FAM177A1: variants seen among roughly 807,000 people sequenced by gnomAD.
FAM177A1 encodes family with sequence similarity 177 member A1.
A neutral mutation model predicts 26.1 loss-of-function variants in FAM177A1; 22 were observed. The ratio of observed to expected loss-of-function variants is 0.84; its 90% CI spans 0.60 to 1.20. The LOEUF (loss-of-function observed/expected upper bound fraction) is 1.20, where lower values mean the gene tolerates loss of function less well. FAM177A1 is among the 50% of genes most tolerant of loss of function. FAM177A1 has a pLI of 0.00. For missense variants in FAM177A1, 296 were observed against 291.1 expected, an observed-to-expected ratio of 1.02 and a Z score of -0.12; for synonymous variants, 95 against 99.3, an observed-to-expected ratio of 0.96 and a Z score of 0.26.
At chr14:35,078,494 G>C (rs968792722) in intron 3 of FAM177A1, among the ~76,000 whole-genome samples, 1 of 152,144 alleles carries the variant, frequency 6.6e-6, no homozygotes, top group African/African-American at 2.4e-5. Flanking sequence ...TGGGATTACA[G>C]GTGCCCACCA....
intron 3 of FAM177A1, among the ~76,000 whole-genome samples, chr14:35,078,501 A>G (rs979246642): frequency 1.1e-4 from 17 of 152,126 alleles, no homozygotes; most frequent in African/African-American, 4.1e-4. Context: ...ACAGGTGCCC[A>G]CCACCATGCC....
rs992814290 is a variant in FAM177A1 at position 35,080,962 on chromosome 14, A to G, written c.505-60A>G. On this transcript the variant is annotated intron_variant, in intron 4 of 4. Transcript: ENST00000280987. ...ATAAGCTGACAGTGGGGAAAACAGCACTATATACCTTTTGGACTTTCGTAT... is the reference window on the plus strand; with the variant it reads ...ATAAGCTGACAGTGGGGAAAACAGCGCTATATACCTTTTGGACTTTCGTAT... The G allele has an allele frequency of 9.0e-6, 13 of 1,449,946 alleles. No individual in the cohort carries two copies. The Admixed American group carries it at 2.3e-4, about 25-fold the overall frequency. The allele number at this position is 1,449,946 out of a possible 1,614,324, so 89.8% of individuals were successfully genotyped here.
intron 2 of FAM177A1, among the ~76,000 whole-genome samples, chr14:35,061,507 T>C (rs1004992246): frequency 6.8e-5 from 10 of 147,266 alleles, no homozygotes; most frequent in African/African-American, 2.5e-4. Flanking sequence ...TCTATTTGTT[T>C]TTTTCTCATT....
intron 2 of FAM177A1, among the ~76,000 whole-genome samples, chr14:35,064,803 C>A (rs539210875): frequency 6.6e-6 from 1 of 152,144 alleles, no homozygotes; most frequent in Admixed American, 6.6e-5. Context: ...AGGCACCCGC[C>A]ACCATGACCA....
chr14:35,050,266 C>A (rs2044943695), intron 1 of FAM177A1: 1 of 152,162 alleles, frequency 6.6e-6, no homozygotes, highest in South Asian at 2.1e-4. Flanking sequence ...GCCTCAGTCT[C>A]CCAAAGTGCT....
chr14:35,045,808 G>A (rs2044850972), upstream of FAM177A1, among the ~76,000 whole-genome samples: 1 of 152,148 alleles, frequency 6.6e-6, no homozygotes, highest in African/African-American at 2.4e-5. Flanking sequence ...GCTTACTACT[G>A]CCCTTTGCTC....
chr14:35,052,601 A>G (rs1434575352), intron 1 of FAM177A1, among the ~76,000 whole-genome samples: 1 of 152,074 alleles, frequency 6.6e-6, no homozygotes, highest in East Asian at 1.9e-4. Flanking sequence ...ATAGATATAT[A>G]TAGTGTAAAT....
rs1330242725 is a variant in FAM177A1 at position 35,046,297 on chromosome 14, G to C, written c.-167G>C. 1.3e-6 allele frequency: 1 copy of C among 755,758 alleles called. No individual in the cohort carries two copies. 46.8% of individuals were successfully genotyped at this position (755,758 alleles called of 1,614,324 possible). On this transcript the variant is annotated 5_prime_UTR_variant, in exon 1 of 5. Transcript: ENST00000280987. ...AGACTGCAGTTGGCCAGCTCTCGGG[G>C]TGCGGAGCCCGGCGGGCTAGGCGAG...
intron 2 of FAM177A1, among the ~76,000 whole-genome samples, chr14:35,064,542 A>C (rs8006583): frequency 0.34 from 51,943 of 151,972 alleles, 9,035 homozygotes; most frequent in East Asian, 0.41. Context: ...AAACCTAATA[A>C]AGTTAATGAA....
At chr14:35,079,125 C>A in intron 4 of FAM177A1, 101 bp downstream of exon 4, 1 of 729,052 alleles carries the variant, frequency 1.4e-6, no homozygotes, top group Non-Finnish European at 2.2e-6. Flanking sequence ...CAACATGTAG[C>A]TCTCTTATGC....
chr14:35,048,828 A>C (rs1195070877), intron 1 of FAM177A1, among the ~76,000 whole-genome samples: 1 of 151,374 alleles, frequency 6.6e-6, no homozygotes, highest in African/African-American at 2.4e-5. Context: ...AGGGAGTAAG[A>C]GATAGGAGAT....
rs1367749356 is a variant in FAM177A1, at chr14:35,049,079, TG to T, written c.165+2455del. The stretch of plus-strand genomic sequence containing the variant: ...CTAATTTTTGTATTTTTAGTAGAGG[TG>T]GGGTTTCACCATCTTGGTCAGGCTG... On this transcript the variant is annotated intron_variant, in intron 1 of 4. Coordinates refer to ENST00000280987, the MANE Select transcript of FAM177A1 (RefSeq NM_173607.5). Among the ~76,000 whole-genome samples, 24 of 152,028 alleles carry T rather than the reference TG, an allele frequency of 1.6e-4. No individual in the cohort carries two copies. The East Asian group carries it at 4.5e-3, about 28-fold the overall frequency.
intron 1 of FAM177A1, among the ~76,000 whole-genome samples, chr14:35,048,380 T>C (rs1462889720): frequency 6.6e-6 from 1 of 152,074 alleles, no homozygotes; most frequent in Non-Finnish European, 1.5e-5. Flanking sequence ...TTCTGTTGTT[T>C]TCACATTCTT....
rs541460063 is a variant in FAM177A1, at chr14:35,078,467, T to G, written c.407-460T>G. Among the ~76,000 whole-genome samples the G allele has an allele frequency of 1.6e-4, 24 of 152,302 alleles. 1 individual carries two copies. The highest frequency in any genetic ancestry group is 9.2e-4 in the Admixed American group (14 of 15,288). On this transcript the variant is annotated intron_variant, in intron 3 of 4. Transcript: ENST00000280987. The stretch of plus-strand genomic sequence containing the variant: ...CCCAGTTTCAAGCTATTCTCTTGCC[T>G]CAGCCTCCTGAGTAGCTGGGATTAC...
At chr14:35,078,242 C>T (rs746038696) in intron 3 of FAM177A1, among the ~76,000 whole-genome samples, 17 of 152,180 alleles carry the variant, frequency 1.1e-4, no homozygotes, top group Non-Finnish European at 2.1e-4. Context: ...AGTTCTTTAA[C>T]CTCTCTACGC....
In FAM177A1 at chr14:35,067,579, T is replaced by G. The variant is rs192116110; in HGVS notation, c.340-9571T>G. 1.4e-4 allele frequency among the ~76,000 whole-genome samples: 22 copies of G among 152,302 alleles called. No homozygotes were observed. In the East Asian group the frequency reaches 4.0e-3, roughly 28 times the overall value. Reference sequence around the variant, plus strand: ...ATTGCTGGATTATATAGTAATTCTGTTTTTAATTTTTTGAGGAACCTCCAT... The same window carrying G: ...ATTGCTGGATTATATAGTAATTCTGGTTTTAATTTTTTGAGGAACCTCCAT... On this transcript the variant is annotated intron_variant, in intron 2 of 4. Coordinates refer to ENST00000280987, the MANE Select transcript of FAM177A1 (RefSeq NM_173607.5).
chr14:35,063,210 T>C (rs981101864), intron 2 of FAM177A1, among the ~76,000 whole-genome samples: 8 of 151,538 alleles, frequency 5.3e-5, no homozygotes, highest in African/African-American at 1.9e-4. Flanking sequence ...TTTAGTATCA[T>C]TTTAGAGTTT....
chr14:35,077,008 T>A, intron 2 of FAM177A1, 142 bp from the exon 3 acceptor site: 1 of 663,934 alleles, frequency 1.5e-6, no homozygotes, highest in Non-Finnish European at 2.7e-6. Context: ...AGATTTTAAA[T>A]TGTTGATTGG....
At chr14:35,076,683 G>A (rs2045401647) in intron 2 of FAM177A1, among the ~76,000 whole-genome samples, 2 of 152,004 alleles carry the variant, frequency 1.3e-5, no homozygotes. Context: ...CTCATTTGAT[G>A]TTCCCTTACA....
Sources: gnomAD v4.1 joint callset for allele counts (sites outside exome capture counted in the v4.1 genomes callset) on GRCh38, gnomAD v4.1.1 for gene constraint, MANE v1.5 for transcripts, NCBI Gene and HGNC (gene_info 2026-07-23, HGNC 2026-07-21) for gene names.